Variants in ANK3 observed in about 807,000 individuals in gnomAD.
ANK3 encodes ankyrin-3.
Under a neutral mutation model 370.9 loss-of-function variants are expected in ANK3, and 57 were observed. The ratio of observed to expected loss-of-function variants is 0.15; its 90% CI spans 0.12 to 0.19. The LOEUF (loss-of-function observed/expected upper bound fraction) is 0.19, where lower values mean the gene tolerates loss of function less well. Among genes scored for constraint, ANK3 ranks in the 10% least tolerant of loss-of-function variants. The probability of loss-of-function intolerance (pLI) is 1.00; values close to 1 mark genes in which losing one functional copy is unlikely to be tolerated. For missense variants in ANK3, 4,439 were observed against 5,302.1 expected (o/e 0.84, Z 5.06); for synonymous variants, 1,929 against 1,946.3 (o/e 0.99, Z 0.23).
intron 1 of ANK3, among the ~76,000 whole-genome samples, chr10:60,624,293 C>G (rs1015134994): frequency 1.5e-4 from 23 of 152,098 alleles, no homozygotes; most frequent in African/African-American, 5.1e-4. Flanking sequence ...ATATTTAATA[C>G]AGTCGATAAA....
At chr10:60,665,623 T>C (rs1372538779) in intron 1 of ANK3, among the ~76,000 whole-genome samples, 1 of 152,200 alleles carries the variant, frequency 6.6e-6, no homozygotes, top group Non-Finnish European at 1.5e-5. Flanking sequence ...CAGTTGATAT[T>C]CCAGGAATTT....
intron 1 of ANK3, among the ~76,000 whole-genome samples, chr10:60,715,703 T>G (rs967974443): frequency 1.3e-5 from 2 of 152,228 alleles, no homozygotes; most frequent in African/African-American, 4.8e-5. Context: ...GTTGATAAAA[T>G]GTATTCTTAA....
intron 2 of ANK3, among the ~76,000 whole-genome samples, chr10:60,611,174 A>C (rs1021032147): frequency 8.5e-5 from 13 of 152,190 alleles, no homozygotes; most frequent in African/African-American, 2.9e-4. Flanking sequence ...ACAGAAACCA[A>C]TACAAATACA....
At chr10:60,326,740 G>T (rs946131492) in intron 1 of ANK3, among the ~76,000 whole-genome samples, 1 of 152,064 alleles carries the variant, frequency 6.6e-6, no homozygotes, top group Non-Finnish European at 1.5e-5. Flanking sequence ...GTGAGCTCCC[G>T]ACCGGGCGCG....
chr10:60,203,739 A>G (rs559080864), intron 11 of ANK3, among the ~76,000 whole-genome samples: 1 of 152,370 alleles, frequency 6.6e-6, no homozygotes, highest in Non-Finnish European at 1.5e-5. Flanking sequence ...GCACACATAC[A>G]TATACATAAA....
At chr10:60,639,265 C>T (rs183884074) in intron 1 of ANK3, among the ~76,000 whole-genome samples, 28 of 150,216 alleles carry the variant, frequency 1.9e-4, no homozygotes, top group Non-Finnish European at 4.0e-4. Context: ...ATTCTATATT[C>T]AGCAAAAATA....
At chr10:60,603,915 T>C (rs1345273584) in intron 2 of ANK3, among the ~76,000 whole-genome samples, 3 of 152,176 alleles carry the variant, frequency 2.0e-5, no homozygotes, top group African/African-American at 4.8e-5. Flanking sequence ...CATCCATGTA[T>C]AATTGAAAAT....
At chr10:60,363,441 A>G (rs2058934490) in intron 1 of ANK3, among the ~76,000 whole-genome samples, 1 of 152,210 alleles carries the variant, frequency 6.6e-6, no homozygotes, top group South Asian at 2.1e-4. Context: ...TTGTATCTGG[A>G]TAGAGGCAAG....
intron 1 of ANK3, among the ~76,000 whole-genome samples, chr10:60,642,514 C>T (rs1044635599): frequency 6.6e-6 from 1 of 151,676 alleles, no homozygotes; most frequent in Non-Finnish European, 1.5e-5. Flanking sequence ...TCATCATTCT[C>T]AGTAAACTAT....
At chr10:60,264,288 AT>A (rs1380732035) in intron 5 of ANK3, among the ~76,000 whole-genome samples, 1 of 152,098 alleles carries the variant, frequency 6.6e-6, no homozygotes, top group Non-Finnish European at 1.5e-5. Context: ...AATTGGGAAA[AT>A]TTTGAAAGTG....
chr10:60,335,472 C>T (rs2052600874), intron 1 of ANK3, among the ~76,000 whole-genome samples: 1 of 152,124 alleles, frequency 6.6e-6, no homozygotes, highest in South Asian at 2.1e-4. Flanking sequence ...GAAGTCAGGC[C>T]TGGACCATTC....
intron 2 of ANK3, among the ~76,000 whole-genome samples, chr10:60,505,060 T>C (rs1187443361): frequency 6.6e-6 from 1 of 152,152 alleles, no homozygotes; most frequent in African/African-American, 2.4e-5. Flanking sequence ...AAGCAAATGA[T>C]ATGTCTAAGA....
intron 1 of ANK3, among the ~76,000 whole-genome samples, chr10:60,338,947 T>G (rs949831964): frequency 3.3e-5 from 5 of 152,090 alleles, no homozygotes; most frequent in Admixed American, 3.3e-4. Flanking sequence ...GAGCCGTATT[T>G]GGGTCTGGAA....
chr10:60,288,316 CT>C (rs1482446801), intron 1 of ANK3, among the ~76,000 whole-genome samples: 2 of 152,150 alleles, frequency 1.3e-5, no homozygotes, highest in Admixed American at 6.5e-5. Flanking sequence ...AGCACTTGGT[CT>C]GTTCTGCTTA....
At position 60,172,183 on chromosome 10, in the gene ANK3, G is replaced by T. The variant is rs139888366; in HGVS notation, c.2478+125C>A. 1.1e-3 allele frequency: 729 copies of T among 677,252 alleles called. 7 individuals are homozygous for T. The African/African-American group carries it at 0.012, about 11-fold the overall frequency. 42.0% of individuals were successfully genotyped at this position (677,252 alleles called of 1,614,324 possible). ...TGCTATCCTGACTACCAACAATGAGGTGACTGTATTTTAAAACATGGTGCT... is the reference window on the plus strand; with the variant it reads ...TGCTATCCTGACTACCAACAATGAGTTGACTGTATTTTAAAACATGGTGCT... On this transcript the variant is annotated intron_variant, in intron 21 of 43. Coordinates refer to ENST00000280772, the MANE Select transcript of ANK3 (RefSeq NM_020987.5).
rs1158279173 is a variant in ANK3 at position 60,243,518 on chromosome 10, GC to G, written c.799-8733del. ...CAGCCCCTCAACCTTGGACTTCCCA[GC>G]CTCCTGAACTATAAGAAATTTTTTT... On this transcript the variant is annotated intron_variant, in intron 7 of 43. Transcript: ENST00000280772. Among the ~76,000 whole-genome samples, 7 of 152,102 alleles carry G rather than the reference GC, an allele frequency of 4.6e-5. No homozygotes were observed. The South Asian group carries it at 1.4e-3, about 32-fold the overall frequency.
At chr10:60,540,236 T>A (rs1169014288) in intron 2 of ANK3, among the ~76,000 whole-genome samples, 1 of 151,772 alleles carries the variant, frequency 6.6e-6, no homozygotes, top group Non-Finnish European at 1.5e-5. Context: ...ACTTGATGGG[T>A]CGAGATAATT....
chr10:60,074,139 T>G lies in ANK3; in HGVS notation c.6742A>C (p.Thr2248Pro). 1 of 1,613,850 alleles carries G rather than the reference T, an allele frequency of 6.2e-7. No homozygotes were observed. The highest frequency in any genetic ancestry group is 8.5e-7 in the Non-Finnish European group (1 of 1,179,944). The change falls in exon 37 of 44, where the codon ACA (threonine) becomes CCA (proline). Residue 2248 changes from threonine to proline, a missense_variant. By Grantham distance (38) the Thr-to-Pro change is conservative (BLOSUM62 -1). Around this residue, in one of 13 missense-constraint regions of ANK3, gnomAD observed 1,601 missense variants for 1,731.7 expected, o/e 0.92. Coordinates refer to ENST00000280772, the MANE Select transcript of ANK3 (RefSeq NM_020987.5). ...MRVKEETHIT[T>P]TTRMVYHSPP... ...GAATGATAAACCATTCTGGTGGTTGTGGTTATGTGAGTCTCTTCTTTAACA... is the reference window on the plus strand; with the variant it reads ...GAATGATAAACCATTCTGGTGGTTGGGGTTATGTGAGTCTCTTCTTTAACA...
At chr10:60,340,464 G>A (rs1333040424) in intron 1 of ANK3, among the ~76,000 whole-genome samples, 3 of 152,104 alleles carry the variant, frequency 2.0e-5, no homozygotes, top group African/African-American at 7.2e-5. Flanking sequence ...AGGCTGGAGT[G>A]CAAGTGGTGC....
Sources: allele counts gnomAD v4.1 joint callset (sites outside exome capture counted in the v4.1 genomes callset), GRCh38; gene constraint gnomAD v4.1.1; regional missense constraint gnomAD v4.1.1; transcripts MANE v1.5; gene names NCBI Gene and HGNC (gene_info 2026-07-23, HGNC 2026-07-21).